The following SLFN12L variants were observed in gnomAD, a reference collection of about 807,000 sequenced individuals.
SLFN12L encodes schlafen family member 12-like.
A neutral mutation model predicts 34.8 loss-of-function variants in SLFN12L; 34 were observed. The ratio of observed to expected loss-of-function variants is 0.98; its 90% CI spans 0.74 to 1.30. The LOEUF (loss-of-function observed/expected upper bound fraction) is 1.30, where lower values mean the gene tolerates loss of function less well. Ranked by LOEUF, SLFN12L falls within the 50% of genes most tolerant of loss-of-function variation. SLFN12L has a pLI of 0.00. For synonymous variants in SLFN12L, 259 were observed against 247.5 expected, an observed-to-expected ratio of 1.05 and a Z score of -0.44; for missense variants, 703 against 696.2, an observed-to-expected ratio of 1.01 and a Z score of -0.11.
In SLFN12L at chr17:35,475,021, A is replaced by G. The variant is rs1913915090; in HGVS notation, c.1741T>C (p.Ser581Pro). 2 of 1,598,988 alleles carry G rather than the reference A, an allele frequency of 1.3e-6. No individual in the cohort carries two copies. The highest frequency in any genetic ancestry group is 1.7e-6 in the Non-Finnish European group (2 of 1,171,124). ...QTMKDLEKAL[S>P]NILPKENQIF... ...TGATTCTCCTTAGGTAAGATATTTG[A>G]AAGGGCCTTTTCCAAGTCTTTCATT... The change falls in exon 5 of 5, where the codon TCA becomes CCA. Residue 581 changes from serine (S) to proline (P), a missense_variant. By Grantham distance (74) the Ser-to-Pro change is moderately conservative. Coordinates refer to ENST00000628453, the MANE Select transcript of SLFN12L (RefSeq NM_001363830.2).
At chr17:35,487,067 G>A (rs1374447159) in intron 2 of SLFN12L, among the ~76,000 whole-genome samples, 3 of 152,202 alleles carry the variant, frequency 2.0e-5, no homozygotes, top group Non-Finnish European at 4.4e-5. Context: ...GTCAGTGCCT[G>A]GTCACATTTC....
At chr17:35,509,027 G>A (rs914350419) in intron 2 of SLFN12L, among the ~76,000 whole-genome samples, 1 of 152,212 alleles carries the variant, frequency 6.6e-6, no homozygotes, top group South Asian at 2.1e-4. Context: ...ACTCAAAAGT[G>A]AGGAACAGAG....
At position 35,474,709 on chromosome 17, in the gene SLFN12L, A is replaced by T; in HGVS notation, c.*214T>A. ...GACCGGGGGGGGGGGTTGAATCACG[A>T]GGTCAGGAGTTCAAGACCAGCCTGG... On this transcript the variant is annotated 3_prime_UTR_variant, in exon 5 of 5. Transcript: ENST00000628453. 2.7e-6 allele frequency: 1 copy of T among 369,720 alleles called. No homozygotes were observed. Among genetic ancestry groups the T allele is most frequent in the Non-Finnish European group, 4.9e-6 (1 of 203,940 alleles). The allele number at this position is 369,720 out of a possible 1,614,324, so 22.9% of individuals were successfully genotyped here.
intron 1 of SLFN12L, among the ~76,000 whole-genome samples, chr17:35,529,439 C>T (rs2072369194): frequency 6.6e-6 from 1 of 152,126 alleles, no homozygotes; most frequent in Non-Finnish European, 1.5e-5. Context: ...AGACTTGGAA[C>T]CAACCCAAAT....
At chr17:35,483,754 G>T (rs1459524361) in intron 2 of SLFN12L, among the ~76,000 whole-genome samples, 1 of 152,216 alleles carries the variant, frequency 6.6e-6, no homozygotes, top group Non-Finnish European at 1.5e-5. Context: ...CCTAGAGACA[G>T]TTGAGAGTAA....
At chr17:35,500,646 A>G (rs560210397) in intron 2 of SLFN12L, among the ~76,000 whole-genome samples, 12 of 151,978 alleles carry the variant, frequency 7.9e-5, no homozygotes, top group Non-Finnish European at 1.6e-4. Context: ...GGAGAATGGC[A>G]TGAACCCAGG....
Position 35,522,855 on chromosome 17 carries a change from A to G in SLFN12L, c.-491T>C, listed in dbSNP as rs755319573. On this transcript the variant is annotated 5_prime_UTR_variant, in exon 2 of 5. Transcript: ENST00000628453. ...AGCCTAGCTTCTAGAGAGGATCACA[A>G]TTCCCCAGGAGAAAGGTTGGGTTTG... 9.3e-5 allele frequency: 91 copies of G among 981,946 alleles called. No homozygotes were observed. The highest frequency in any genetic ancestry group is 1.4e-4 in the Non-Finnish European group (87 of 633,556). 60.8% of individuals were successfully genotyped at this position (981,946 alleles called of 1,614,324 possible). A position where few individuals can be genotyped will look rare whatever the true frequency, so the allele number is the denominator to read the frequency against.
chr17:35,478,055 G>A lies in SLFN12L; in HGVS notation c.1276+20C>T, dbSNP rs199944156. 7.2e-5 allele frequency: 106 copies of A among 1,468,072 alleles called. No individual in the cohort carries two copies. Among genetic ancestry groups the A allele is most frequent in the African/African-American group, 4.1e-4 (29 of 70,334 alleles). The allele number at this position is 1,468,072 out of a possible 1,614,324, so 90.9% of individuals were successfully genotyped here. A position where few individuals can be genotyped will look rare whatever the true frequency, so the allele number is the denominator to read the frequency against. ...AACACAGTTACACCAACAACTCCAC[G>A]GAAGCCAGAATTAAATTACCTGGAA... On this transcript the variant is annotated intron_variant, in intron 4 of 4. Transcript: ENST00000628453.
chr17:35,470,788 A>G lies in SLFN12L; in HGVS notation c.*4135T>C, dbSNP rs1243002530. On this transcript the variant is annotated 3_prime_UTR_variant, in exon 5 of 5. Coordinates refer to ENST00000628453, the MANE Select transcript of SLFN12L (RefSeq NM_001363830.2). ...GGTGGTTTGCTGCACCTATTGACCCATCCTCTGAGTTCCCTCCCCTCACTC... is the reference window on the plus strand; with the variant it reads ...GGTGGTTTGCTGCACCTATTGACCCGTCCTCTGAGTTCCCTCCCCTCACTC... Among the ~76,000 whole-genome samples, 1 of 151,202 alleles carries G rather than the reference A, an allele frequency of 6.6e-6. No homozygotes were observed. The highest frequency in any genetic ancestry group is 1.5e-5 in the Non-Finnish European group (1 of 67,812).
chr17:35,519,273 G>T (rs544188712), intron 2 of SLFN12L, among the ~76,000 whole-genome samples: 68 of 152,192 alleles, frequency 4.5e-4, no homozygotes, highest in Admixed American at 1.2e-3. Context: ...AGGTTGATGG[G>T]TGCAGCAAAC....
intron 2 of SLFN12L, chr17:35,491,010 C>T (rs1914814052): frequency 5.1e-6 from 4 of 788,418 alleles, no homozygotes; most frequent in Middle Eastern, 2.2e-4. Context: ...CTTTCTCCTC[C>T]GGCCTCCCCA....
At position 35,474,710 on chromosome 17, in the gene SLFN12L, G is replaced by A. The variant is rs55660228; in HGVS notation, c.*213C>T. On this transcript the variant is annotated 3_prime_UTR_variant, in exon 5 of 5. Transcript: ENST00000628453. ...ACCGGGGGGGGGGGTTGAATCACGA[G>A]GTCAGGAGTTCAAGACCAGCCTGGC... is the stretch of plus-strand genomic sequence containing the variant. 147,068 of 363,406 alleles carry A rather than the reference G, an allele frequency of 0.4. 32,641 individuals are homozygous for A. Among genetic ancestry groups the A allele is most frequent in the Middle Eastern group, 0.47 (586 of 1,236 alleles). The allele number at this position is 363,406 out of a possible 1,614,324, so 22.5% of individuals were successfully genotyped here.
At chr17:35,494,643 C>G (rs973021811) in intron 2 of SLFN12L, among the ~76,000 whole-genome samples, 3 of 152,016 alleles carry the variant, frequency 2.0e-5, no homozygotes, top group African/African-American at 7.2e-5. Flanking sequence ...ACCAGCAGAC[C>G]AATGGGACAG....
intron 2 of SLFN12L, among the ~76,000 whole-genome samples, chr17:35,514,255 ATGT>A (rs1219492304): frequency 1.3e-5 from 2 of 152,260 alleles, no homozygotes; most frequent in African/African-American, 4.8e-5. Context: ...GAAGGTGGTA[ATGT>A]TAACACAGCA....
intron 2 of SLFN12L, among the ~76,000 whole-genome samples, chr17:35,493,431 G>A (rs1232267142): frequency 6.6e-6 from 1 of 152,192 alleles, no homozygotes; most frequent in East Asian, 1.9e-4. Flanking sequence ...TTTCTCCAAA[G>A]TCTAAAGACT....
intron 2 of SLFN12L, chr17:35,487,725 C>G: frequency 6.5e-7 from 1 of 1,535,862 alleles, no homozygotes; most frequent in Non-Finnish European, 8.7e-7. Context: ...AGAGAACGAA[C>G]CTGGCGAGGT....
In SLFN12L at chr17:35,499,131, G is replaced by A. The variant is rs1597857096; in HGVS notation, c.87-18936C>T. Reference sequence around the variant, plus strand: ...GAAGTTAAAATCAGAGTCCTGTCAAGTAGACATGTCCCGCATCCATTTGGC... The same window carrying A: ...GAAGTTAAAATCAGAGTCCTGTCAAATAGACATGTCCCGCATCCATTTGGC... On this transcript the variant is annotated intron_variant, in intron 2 of 4. Transcript: ENST00000628453. 18 of 857,656 alleles carry A rather than the reference G, an allele frequency of 2.1e-5. No homozygotes were observed. In the Admixed American group the frequency reaches 2.4e-4, roughly 11 times the overall value. 53.1% of individuals were successfully genotyped at this position (857,656 alleles called of 1,614,324 possible).
chr17:35,526,840 A>G (rs1410294880), intron 1 of SLFN12L, among the ~76,000 whole-genome samples: 1 of 152,166 alleles, frequency 6.6e-6, no homozygotes, highest in Non-Finnish European at 1.5e-5. Flanking sequence ...CTAGCAGAAG[A>G]CAAGAAATAA....
intron 2 of SLFN12L, among the ~76,000 whole-genome samples, chr17:35,512,891 G>A (rs909071219): frequency 2.6e-5 from 4 of 152,086 alleles, no homozygotes; most frequent in Admixed American, 2.0e-4. Flanking sequence ...TACCCTCTCC[G>A]AACCTAAGTT....
Sources: gnomAD v4.1 joint callset for allele counts (sites outside exome capture counted in the v4.1 genomes callset) on GRCh38, gnomAD v4.1.1 for gene constraint, MANE v1.5 for transcripts, NCBI Gene and HGNC (gene_info 2026-07-23, HGNC 2026-07-21) for gene names.